Variants in ZC3H12B observed in about 807,000 individuals in gnomAD.
The protein encoded by ZC3H12B is zinc finger CCCH-type containing 12B.
In ZC3H12B, 7 loss-of-function variants were observed where a neutral mutation model predicts 43.9. The observed-to-expected ratio is 0.16, with a 90% CI of 0.09 to 0.30. The LOEUF (loss-of-function observed/expected upper bound fraction) is 0.30, where lower values mean the gene tolerates loss of function less well. ZC3H12B is among the 10% of genes least tolerant of loss of function. The pLI is 1.00. For synonymous variants in ZC3H12B, 222 were observed against 241.7 expected, an observed-to-expected ratio of 0.92 and a Z score of 0.76; for missense variants, 475 against 670.2, an observed-to-expected ratio of 0.71 and a Z score of 3.22.
At chrX:65,381,555 A>G (rs1332872724) in intron 2 of ZC3H12B, among the ~76,000 whole-genome samples, 3 of 111,562 alleles carry the variant, frequency 2.7e-5, no homozygotes, top group African/African-American at 6.5e-5. Context: ...TAGAAAAGCA[A>G]GAGCAAACAC....
chrX:65,242,110 A>G, the ZC3H12B span, among the ~76,000 whole-genome samples: 3 of 110,704 alleles, frequency 2.7e-5, no homozygotes, highest in Non-Finnish European at 5.7e-5. Context: ...GGTGGGGGTT[A>G]CTTTGGGTCG....
chrX:65,249,979 G>T, the ZC3H12B span, among the ~76,000 whole-genome samples: 1 of 109,925 alleles, frequency 9.1e-6, no homozygotes, highest in South Asian at 3.9e-4. Flanking sequence ...GGGTACATGT[G>T]CACAACGTGC....
chrX:65,296,691 G>A, the ZC3H12B span, among the ~76,000 whole-genome samples: 3 of 110,233 alleles, frequency 2.7e-5, no homozygotes, highest in South Asian at 3.9e-4. Flanking sequence ...AACCAGGGAA[G>A]GACATAACAA....
the ZC3H12B span, among the ~76,000 whole-genome samples, chrX:65,216,912 C>T: frequency 5.3e-4 from 59 of 111,699 alleles, no homozygotes; most frequent in African/African-American, 1.7e-3. Flanking sequence ...TACCATGTGC[C>T]GACTAAAATG....
chrX:65,077,116 T>C, the ZC3H12B span, among the ~76,000 whole-genome samples: 8 of 111,824 alleles, frequency 7.2e-5, no homozygotes, highest in African/African-American at 2.6e-4. Context: ...TTAGGTCTAA[T>C]CACAGTTTAG....
At chrX:65,444,913 C>T (rs2067355852) in intron 3 of ZC3H12B, among the ~76,000 whole-genome samples, 1 of 111,421 alleles carries the variant, frequency 9.0e-6, no homozygotes, top group Non-Finnish European at 1.9e-5. Context: ...ATTTTATCTC[C>T]CCTGACTGTG....
At chrX:65,196,197 G>A in the ZC3H12B span, among the ~76,000 whole-genome samples, 7 of 105,754 alleles carry the variant, frequency 6.6e-5, no homozygotes, top group Non-Finnish European at 1.4e-4. Context: ...GGACAGCCAG[G>A]GGTCTGCAGA....
chrX:65,326,579 A>G, the ZC3H12B span, among the ~76,000 whole-genome samples: 2 of 109,471 alleles, frequency 1.8e-5, no homozygotes, highest in African/African-American at 6.7e-5. Context: ...AAAAAAAAAG[A>G]CCTAGTGTTA....
chrX:65,438,025 C>T (rs1310885270), intron 3 of ZC3H12B, among the ~76,000 whole-genome samples: 1 of 111,962 alleles, frequency 8.9e-6, no homozygotes, highest in African/African-American at 3.2e-5. Flanking sequence ...TTCTTGACAC[C>T]TTTGTCAAAT....
chrX:65,249,553 T>C, the ZC3H12B span, among the ~76,000 whole-genome samples: 1 of 111,755 alleles, frequency 8.9e-6, no homozygotes, highest in East Asian at 2.8e-4. Context: ...TTACTTTTGG[T>C]TCCATATTCA....
At chrX:65,335,439 C>T in the ZC3H12B span, among the ~76,000 whole-genome samples, 2 of 111,932 alleles carry the variant, frequency 1.8e-5, no homozygotes, top group East Asian at 2.8e-4. Context: ...TCAAGTGAAA[C>T]CAATAAGCCT....
At chrX:65,413,479 G>A (rs754443548) in intron 3 of ZC3H12B, among the ~76,000 whole-genome samples, 8 of 111,538 alleles carry the variant, frequency 7.2e-5, no homozygotes, top group African/African-American at 1.3e-4. Context: ...GTGTGAAGTA[G>A]GGGTCAAACT....
At chrX:65,142,406 CTT>C in the ZC3H12B span, among the ~76,000 whole-genome samples, 2 of 112,101 alleles carry the variant, frequency 1.8e-5, no homozygotes, top group African/African-American at 3.2e-5. Context: ...GATATCATTT[CTT>C]TGTCAGATGT....
chrX:65,283,715 G>T, the ZC3H12B span, among the ~76,000 whole-genome samples: 1 of 111,277 alleles, frequency 9.0e-6, no homozygotes, highest in Non-Finnish European at 1.9e-5. Context: ...CACAGAAGCC[G>T]CTAAAGAAAG....
chrX:65,504,276 G>A lies in ZC3H12B; in HGVS notation c.*1067G>A, dbSNP rs368727976. ...GAGGGTAGGCTCTACACAGTCCTTC[G>A]TCTATAGCTGTATAGGTCACTAATC... On this transcript the variant is annotated 3_prime_UTR_variant, in exon 5 of 5. Transcript: ENST00000338957. 12 of 112,231 alleles carry A rather than the reference G, an allele frequency of 1.1e-4. No homozygotes were observed. The East Asian group carries it at 2.0e-3, about 18-fold the overall frequency. 9.2% of individuals were successfully genotyped at this position (112,231 alleles called of 1,213,427 possible). A position where few individuals can be genotyped will look rare whatever the true frequency, so the allele number is the denominator to read the frequency against.
At chrX:65,179,496 G>A in the ZC3H12B span, among the ~76,000 whole-genome samples, 1 of 110,028 alleles carries the variant, frequency 9.1e-6, no homozygotes, top group African/African-American at 3.3e-5. Context: ...TAAGATCAAA[G>A]CTGAACTGAA....
chrX:65,433,371 G>A (rs1439392399), intron 3 of ZC3H12B, among the ~76,000 whole-genome samples: 1 of 111,796 alleles, frequency 8.9e-6, no homozygotes, highest in Non-Finnish European at 1.9e-5. Flanking sequence ...CTATTATCAT[G>A]GGTAGAGGCA....
At chrX:65,315,625 C>T in the ZC3H12B span, among the ~76,000 whole-genome samples, 1 of 111,101 alleles carries the variant, frequency 9.0e-6, no homozygotes, top group Non-Finnish European at 1.9e-5. Flanking sequence ...AATCAAACCC[C>T]AAAGACATCA....
chrX:65,081,552 G>T, the ZC3H12B span, among the ~76,000 whole-genome samples: 1 of 111,761 alleles, frequency 8.9e-6, no homozygotes, highest in African/African-American at 3.2e-5. Context: ...ACTATAAAAT[G>T]ATAAAGGGGT....
Sources: allele counts gnomAD v4.1 joint callset (sites outside exome capture counted in the v4.1 genomes callset), GRCh38; gene constraint gnomAD v4.1.1; transcripts MANE v1.5; gene names NCBI Gene and HGNC (gene_info 2026-07-23, HGNC 2026-07-21).